CC2D1A: variants seen among roughly 807,000 people sequenced by gnomAD.
The protein encoded by CC2D1A is coiled-coil and C2 domain containing 1A.
A neutral mutation model predicts 123.8 loss-of-function variants in CC2D1A; 68 were observed. That is an observed-to-expected ratio of 0.55 (90% confidence interval 0.45 to 0.67). The LOEUF is 0.67. CC2D1A is among the 30% of genes least tolerant of loss of function. The pLI is 0.00. For missense variants in CC2D1A, 1,185 were observed against 1,290.3 expected (o/e 0.92, Z 1.25); for synonymous variants, 477 against 528.0 (o/e 0.90, Z 1.32).
rs756380412 is a variant in CC2D1A at position 13,930,160 on chromosome 19, C to G, written c.2787+6C>G. Reference sequence around the variant, plus strand: ...TGGGCAACGATGGCAGCAGGGTGAGCTGGTCGCGGGCCGGGTGGGCACTGG... The same window carrying G: ...TGGGCAACGATGGCAGCAGGGTGAGGTGGTCGCGGGCCGGGTGGGCACTGG... On this transcript the variant is annotated splice_donor_region_variant and intron_variant, in intron 27 of 28. Coordinates refer to ENST00000318003, the MANE Select transcript of CC2D1A (RefSeq NM_017721.5). This position sits in a 1 kb window ranked among gnomAD's most constrained non-coding sequence, Gnocchi z 6.8. 1 of 1,613,258 alleles carries G rather than the reference C, an allele frequency of 6.2e-7. No homozygotes were observed. The highest frequency in any genetic ancestry group is 8.5e-7 in the Non-Finnish European group (1 of 1,179,612).
At chr19:13,909,696 C>A (rs779205043) in intron 1 of CC2D1A, 127 bp from the exon 2 acceptor site, 13 of 1,258,220 alleles carry the variant, frequency 1.0e-5, no homozygotes, top group South Asian at 6.0e-5. Flanking sequence ...TCCTGGCACT[C>A]CCCAGGGAAA....
At position 13,909,930 on chromosome 19, in the gene CC2D1A, C is replaced by T. The variant is rs202235933; in HGVS notation, c.168C>T (p.Pro56=). The change falls in exon 2 of 29, where the codon CCC becomes CCT. Residue 56 remains proline (P), a synonymous_variant. Coordinates refer to ENST00000318003, the MANE Select transcript of CC2D1A (RefSeq NM_017721.5). ...TCTTGGCTTTGGTCGGGGGCCAGCC[C>T]CCAGCCCTGGAGAAGCTCAAAGGCA... The part of the protein sequence containing the change: ...AEFLALVGGQ[P]PALEKLKGKG... The T allele has an allele frequency of 9.2e-6, 14 of 1,528,728 alleles. No homozygotes were observed. In the Admixed American group the frequency reaches 1.7e-4, roughly 19 times the overall value. 94.7% of individuals were successfully genotyped at this position (1,528,728 alleles called of 1,614,324 possible).
intron 4 of CC2D1A, 68 bp downstream of exon 4, chr19:13,912,661 C>G (rs895016628): frequency 1.3e-6 from 2 of 1,511,178 alleles, no homozygotes; most frequent in Non-Finnish European, 1.8e-6. Flanking sequence ...CAAGACCTAG[C>G]CTTTTTTATG....
chr19:13,927,166 T>C lies in CC2D1A; in HGVS notation c.2226-9T>C. On this transcript the variant is annotated splice_polypyrimidine_tract_variant and intron_variant, in intron 21 of 28. Coordinates refer to ENST00000318003, the MANE Select transcript of CC2D1A (RefSeq NM_017721.5). ...CCATCCTGTCCCCACTATACACACA[T>C]GCACACAGGGGGCTGTTCAAGACTG... The C allele has an allele frequency of 6.2e-7, 1 of 1,613,762 alleles. No individual in the cohort carries two copies. The highest frequency in any genetic ancestry group is 2.2e-5 in the East Asian group (1 of 44,870).
rs1289325685 is a variant in CC2D1A at position 13,906,640 on chromosome 19, C to T, written c.60+139C>T. On this transcript the variant is annotated intron_variant, in intron 1 of 28. Transcript: ENST00000318003. The surrounding 1 kb of genome is among the most constrained non-coding windows in gnomAD (Gnocchi z 4.1). ...GGTCCCCGCCTCCCCCCAGGTGAGG[C>T]TCCAACACCACCCAAGTGTGGCCTA... The T allele has an allele frequency of 3.7e-6, 2 of 542,990 alleles. No homozygotes were observed. 33.6% of individuals were successfully genotyped at this position (542,990 alleles called of 1,614,324 possible).
Position 13,928,036 on chromosome 19 carries a change from A to G in CC2D1A, c.2454+6A>G. The stretch of plus-strand genomic sequence containing the variant: ...TGCCGGCAGCTGTGCCCACAGTGAG[A>G]CCCCCCACCCCCACCCATCAGCAAC... On this transcript the variant is annotated splice_donor_region_variant and intron_variant, in intron 23 of 28. Coordinates refer to ENST00000318003, the MANE Select transcript of CC2D1A (RefSeq NM_017721.5). The G allele has an allele frequency of 1.9e-6, 3 of 1,606,670 alleles. No homozygotes were observed. The highest frequency in any genetic ancestry group is 2.6e-6 in the Non-Finnish European group (3 of 1,175,246).
intron 13 of CC2D1A, 34 bp from the exon 14 acceptor site, chr19:13,920,716 T>TG: frequency 6.2e-7 from 1 of 1,611,924 alleles, no homozygotes; most frequent in East Asian, 2.2e-5. Context: ...GGCTGTGGCC[T>TG]GGGCAGCACC....
In CC2D1A at chr19:13,930,837, C is replaced by T. The variant is rs536130154; in HGVS notation, c.*442C>T. 1 of 200,648 alleles carries T rather than the reference C, an allele frequency of 5.0e-6. No homozygotes were observed. The highest frequency in any genetic ancestry group is 1.0e-5 in the Non-Finnish European group (1 of 99,524). The allele number at this position is 200,648 out of a possible 1,614,324, so 12.4% of individuals were successfully genotyped here. ...GGCGTCGACCTGGCCCAGCTGGGTC[C>T]CCAGGGCCAGCACATGGAATAAAAT... On this transcript the variant is annotated 3_prime_UTR_variant, in exon 29 of 29. Coordinates refer to ENST00000318003, the MANE Select transcript of CC2D1A (RefSeq NM_017721.5). The surrounding 1 kb of genome is among the most constrained non-coding windows in gnomAD (Gnocchi z 6.8).
At chr19:13,922,852 G>A (rs1971454981) in intron 14 of CC2D1A, among the ~76,000 whole-genome samples, 1 of 152,144 alleles carries the variant, frequency 6.6e-6, no homozygotes, top group South Asian at 2.1e-4. Context: ...GATTTCTGGG[G>A]TGACTGAAGG....
intron 14 of CC2D1A, among the ~76,000 whole-genome samples, chr19:13,922,449 C>CT (rs1971441914): frequency 6.6e-6 from 1 of 152,214 alleles, no homozygotes; most frequent in Non-Finnish European, 1.5e-5. Context: ...GTGTGGTTCA[C>CT]TTTCTCCCAT....
chr19:13,923,359 C>A lies in CC2D1A; in HGVS notation c.1668C>A (p.Asp556Glu), dbSNP rs1197865026. ...TKVPPAPVNKDDFALVQRPGP... is the reference protein window; with the variant it reads ...TKVPPAPVNKEDFALVQRPGP... ...TGCCGCCTGCCCCTGTCAACAAGGA[C>A]GACTTTGCCCTGGTCCAGCGGCCTG... The change falls in exon 15 of 29, where the codon GAC becomes GAA. Residue 556 changes from aspartate to glutamate, a missense_variant. Transcript: ENST00000318003. The surrounding 1 kb of genome is among the most constrained non-coding windows in gnomAD (Gnocchi z 5.3). The A allele has an allele frequency of 6.2e-7, 1 of 1,610,442 alleles. No homozygotes were observed. The highest frequency in any genetic ancestry group is 8.5e-7 in the Non-Finnish European group (1 of 1,179,894).
At chr19:13,913,346 C>T (rs764098463) in intron 5 of CC2D1A, 44 bp downstream of exon 5, 78 of 1,606,262 alleles carry the variant, frequency 4.9e-5, no homozygotes, top group Non-Finnish European at 6.3e-5. Flanking sequence ...CCGCCAACCC[C>T]GATGCCCTGC....
rs779383118 is a variant in CC2D1A at position 13,906,469 on chromosome 19, C to G, written c.28C>G (p.Pro10Ala). 4.0e-6 allele frequency: 6 copies of G among 1,515,464 alleles called. No individual in the cohort carries two copies. The African/African-American group carries it at 8.5e-5, about 22-fold the overall frequency. 93.9% of individuals were successfully genotyped at this position (1,515,464 alleles called of 1,614,324 possible). A position where few individuals can be genotyped will look rare whatever the true frequency, so the allele number is the denominator to read the frequency against. MHKRKGPPG[P>A]PGRGAAAARQ... ...GCACAAGAGGAAAGGACCCCCGGGA[C>G]CCCCGGGCAGAGGCGCCGCGGCCGC... The change falls in exon 1 of 29, where the codon CCC becomes GCC. Residue 10 changes from proline to alanine, a missense_variant. Coordinates refer to ENST00000318003, the MANE Select transcript of CC2D1A (RefSeq NM_017721.5). The surrounding 1 kb of genome is among the most constrained non-coding windows in gnomAD (Gnocchi z 4.1).
chr19:13,906,456 A>C lies in CC2D1A; in HGVS notation c.15A>C (p.Lys5Asn). MHKR[K>N]GPPGPPGRGA... ...CAGCCTTGAAGATGCACAAGAGGAAAGGACCCCCGGGACCCCCGGGCAGAG... is the reference window on the plus strand; with the variant it reads ...CAGCCTTGAAGATGCACAAGAGGAACGGACCCCCGGGACCCCCGGGCAGAG... Residue 5 changes from lysine (K) to asparagine (N), a missense_variant, in exon 1 of 29, where the codon AAA (lysine) becomes AAC (asparagine). Lys to Asn is a moderately conservative substitution (Grantham distance 94, BLOSUM62 0). Transcript: ENST00000318003. This position sits in a 1 kb window ranked among gnomAD's most constrained non-coding sequence, Gnocchi z 4.1. 1 of 1,517,310 alleles carries C rather than the reference A, an allele frequency of 6.6e-7. No homozygotes were observed. Among genetic ancestry groups the C allele is most frequent in the Non-Finnish European group, 8.8e-7 (1 of 1,134,622 alleles). 94.0% of individuals were successfully genotyped at this position (1,517,310 alleles called of 1,614,324 possible). A position where few individuals can be genotyped will look rare whatever the true frequency, so the allele number is the denominator to read the frequency against.
Position 13,923,781 on chromosome 19 carries a change from G to A in CC2D1A, c.1910G>A (p.Arg637His), listed in dbSNP as rs375346936. The change falls in exon 17 of 29, where the codon CGC (arginine) becomes CAC (histidine). Residue 637 changes from arginine to histidine, a missense_variant. Coordinates refer to ENST00000318003, the MANE Select transcript of CC2D1A (RefSeq NM_017721.5). This position sits in a 1 kb window ranked among gnomAD's most constrained non-coding sequence, Gnocchi z 5.3. ...FVRGLPTPTA[R>H]FEQRTFSVIK... ...CGGGGTCTCCCCACGCCCACCGCCCGCTTTGAGCAAAGGACCTTCAGCGTC... is the reference window on the plus strand; with the variant it reads ...CGGGGTCTCCCCACGCCCACCGCCCACTTTGAGCAAAGGACCTTCAGCGTC... 1.7e-5 allele frequency: 27 copies of A among 1,613,872 alleles called. No homozygotes were observed. Among genetic ancestry groups the A allele is most frequent in the East Asian group, 6.7e-5 (3 of 44,884 alleles).
At chr19:13,916,768 A>G (rs531589287) in intron 6 of CC2D1A, among the ~76,000 whole-genome samples, 1 of 152,246 alleles carries the variant, frequency 6.6e-6, no homozygotes, top group East Asian at 1.9e-4. Context: ...CCTAAGTTTA[A>G]AGCAATGGGT....
Position 13,927,060 on chromosome 19 carries a change from C to A in CC2D1A, c.2208C>A (p.Phe736Leu). Residue 736 changes from phenylalanine (F) to leucine (L), a missense_variant, in exon 21 of 29, where the codon TTC (phenylalanine) becomes TTA (leucine). Transcript: ENST00000318003. ...CCATCCAGACCAAGGGCATCAAGTT[C>A]GAAGTGGTTCACAAGGGGTGAGCTA... The part of the protein sequence containing the change: ...RRAIQTKGIK[F>L]EVVHKGGLFK... 2 of 1,614,058 alleles carry A rather than the reference C, an allele frequency of 1.2e-6. No homozygotes were observed. Among genetic ancestry groups the A allele is most frequent in the Non-Finnish European group, 1.7e-6 (2 of 1,179,996 alleles).
At chr19:13,926,953 T>A in intron 20 of CC2D1A, 25 bp from the exon 21 acceptor site, 1 of 1,613,030 alleles carries the variant, frequency 6.2e-7, no homozygotes, top group Non-Finnish European at 8.5e-7. Flanking sequence ...CCCACCCAAC[T>A]TCCTCTCCCT....
rs1378301761 is a variant in CC2D1A, at chr19:13,919,811, C to A, written c.1223-7C>A. On this transcript the variant is annotated splice_region_variant and splice_polypyrimidine_tract_variant and intron_variant, in intron 11 of 28. Coordinates refer to ENST00000318003, the MANE Select transcript of CC2D1A (RefSeq NM_017721.5). ...ACACAATAACCAGGCCTCGACTGGCCACCCAGGCTTCCCCCCAATCCAGGG... is the reference window on the plus strand; with the variant it reads ...ACACAATAACCAGGCCTCGACTGGCAACCCAGGCTTCCCCCCAATCCAGGG... 1 of 1,592,398 alleles carries A rather than the reference C, an allele frequency of 6.3e-7. No homozygotes were observed. The highest frequency in any genetic ancestry group is 8.6e-7 in the Non-Finnish European group (1 of 1,166,050).
Sources: gnomAD v4.1 joint callset for allele counts (sites outside exome capture counted in the v4.1 genomes callset) on GRCh38, gnomAD v4.1.1 for gene constraint, Gnocchi (gnomAD v3.1) non-coding constraint, MANE v1.5 for transcripts, NCBI Gene and HGNC (gene_info 2026-07-23, HGNC 2026-07-21) for gene names.